IGSF21: variants seen among roughly 807,000 people sequenced by gnomAD.
IGSF21 encodes immunoglobin superfamily member 21, also known as immunoglobulin superfamily member 21.
A neutral mutation model predicts 46.8 loss-of-function variants in IGSF21; 28 were observed. That is an observed-to-expected ratio of 0.60 (90% confidence interval 0.44 to 0.82). The LOEUF is 0.82. Ranked by LOEUF, IGSF21 falls within the 40% of genes least tolerant of loss-of-function variation. The pLI is 0.00. For synonymous variants in IGSF21, 284 were observed against 273.6 expected, an observed-to-expected ratio of 1.04 and a Z score of -0.38; for missense variants, 624 against 665.5, an observed-to-expected ratio of 0.94 and a Z score of 0.69.
chr1:18,232,324 TAATA>T (rs1199322669), intron 2 of IGSF21, among the ~76,000 whole-genome samples: 1 of 151,120 alleles, frequency 6.6e-6, no homozygotes, highest in South Asian at 2.1e-4. Context: ...AGAAAATGAA[TAATA>T]AATAATGTTC....
At chr1:18,206,036 A>T (rs1557587073) in intron 1 of IGSF21, among the ~76,000 whole-genome samples, 1 of 152,250 alleles carries the variant, frequency 6.6e-6, no homozygotes, top group Non-Finnish European at 1.5e-5. Flanking sequence ...CCATCCCCTC[A>T]TGGGGCTGAC....
chr1:18,273,456 TTCTCTC>T (rs376410871), intron 2 of IGSF21, among the ~76,000 whole-genome samples: 12,560 of 86,044 alleles, frequency 0.15, 2,632 homozygotes, highest in African/African-American at 0.2. Flanking sequence ...CTTTCTTTCT[TTCTCTC>T]TCTTTCTTTC....
At chr1:18,156,114 G>T (rs1180181175) in intron 1 of IGSF21, among the ~76,000 whole-genome samples, 1 of 152,210 alleles carries the variant, frequency 6.6e-6, no homozygotes, top group Non-Finnish European at 1.5e-5. Context: ...TGCGGGGAGG[G>T]CCTGGGCTTC....
chr1:18,163,088 T>C lies in IGSF21; in HGVS notation c.70+54890T>C, dbSNP rs72655127. ...GTGATTCTTCTGAATGAAAGATGTTTCCATGGGGCTTGGGGGCACAGTGGC... is the reference window on the plus strand; with the variant it reads ...GTGATTCTTCTGAATGAAAGATGTTCCCATGGGGCTTGGGGGCACAGTGGC... On this transcript the variant is annotated intron_variant, in intron 1 of 9. Transcript: ENST00000251296. 3.6e-3 allele frequency among the ~76,000 whole-genome samples: 548 copies of C among 152,252 alleles called. 3 individuals are homozygous for C. Among genetic ancestry groups the C allele is most frequent in the Non-Finnish European group, 6.3e-3 (429 of 68,016 alleles).
chr1:18,160,177 G>T (rs1047540402), intron 1 of IGSF21, among the ~76,000 whole-genome samples: 1 of 152,200 alleles, frequency 6.6e-6, no homozygotes, highest in African/African-American at 2.4e-5. Context: ...ACTTCTCACC[G>T]AACTAGTTTA....
chr1:18,189,695 C>T (rs898802626), intron 1 of IGSF21, among the ~76,000 whole-genome samples: 1 of 151,998 alleles, frequency 6.6e-6, no homozygotes, highest in African/African-American at 2.4e-5. Context: ...AGGGTCCGTG[C>T]TCCTATGAGA....
In IGSF21 at chr1:18,199,715, G is replaced by A. The variant is rs532205449; in HGVS notation, c.71-28183G>A. Among the ~76,000 whole-genome samples the A allele has an allele frequency of 4.1e-4, 63 of 152,016 alleles. 1 individual carries two copies. Among genetic ancestry groups the A allele is most frequent in the Admixed American group, 2.6e-3 (40 of 15,262 alleles). On this transcript the variant is annotated intron_variant, in intron 1 of 9. Coordinates refer to ENST00000251296, the MANE Select transcript of IGSF21 (RefSeq NM_032880.5). Reference sequence around the variant, plus strand: ...TCCCTCCCTCCCTATCTCTCACCTCGGCTGCAAAGCTCCGACTTTATTTAA... The same window carrying A: ...TCCCTCCCTCCCTATCTCTCACCTCAGCTGCAAAGCTCCGACTTTATTTAA...
chr1:18,234,020 G>A (rs985582529), intron 2 of IGSF21, among the ~76,000 whole-genome samples: 1 of 152,098 alleles, frequency 6.6e-6, no homozygotes, highest in Non-Finnish European at 1.5e-5. Flanking sequence ...CATATCATAA[G>A]GGCAAGAAGG....
At chr1:18,354,719 T>G (rs1763902) in intron 4 of IGSF21, among the ~76,000 whole-genome samples, 134,206 of 152,100 alleles carry the variant, frequency 0.88, 59,227 homozygotes, top group Non-Finnish European at 0.9. Flanking sequence ...TGGTACCCAA[T>G]GAGCTGGAGA....
intron 1 of IGSF21, among the ~76,000 whole-genome samples, chr1:18,219,636 G>C (rs2084487144): frequency 6.6e-6 from 1 of 152,140 alleles, no homozygotes; most frequent in Non-Finnish European, 1.5e-5. Context: ...AAAAAGAGGA[G>C]GTTCCAAGAA....
intron 1 of IGSF21, among the ~76,000 whole-genome samples, chr1:18,147,862 C>T (rs1433453500): frequency 2.6e-5 from 4 of 152,048 alleles, no homozygotes; most frequent in Admixed American, 6.6e-5. Flanking sequence ...TCCCATGTGT[C>T]GTGGGAGGGA....
At chr1:18,370,303 A>G (rs2086211810) in intron 6 of IGSF21, among the ~76,000 whole-genome samples, 1 of 152,210 alleles carries the variant, frequency 6.6e-6, no homozygotes, top group South Asian at 2.1e-4. Flanking sequence ...AGATCTACAT[A>G]CACAGAGTTC....
At chr1:18,276,026 T>G (rs898086544) in intron 2 of IGSF21, among the ~76,000 whole-genome samples, 5 of 152,184 alleles carry the variant, frequency 3.3e-5, no homozygotes, top group African/African-American at 7.2e-5. Flanking sequence ...GGTCTTCTTA[T>G]TTATGATCTT....
At chr1:18,221,166 C>T (rs965050388) in intron 1 of IGSF21, among the ~76,000 whole-genome samples, 3 of 152,122 alleles carry the variant, frequency 2.0e-5, no homozygotes, top group African/African-American at 4.8e-5. Context: ...AGGGAGGCAT[C>T]GTTACCCCTA....
chr1:18,361,807 C>G (rs1196633160), intron 4 of IGSF21: 1 of 268,260 alleles, frequency 3.7e-6, no homozygotes, highest in Non-Finnish European at 7.1e-6. Context: ...CGGGCAGAGT[C>G]CCCTCAACAC....
intron 3 of IGSF21, among the ~76,000 whole-genome samples, chr1:18,321,109 C>T (rs1461402975): frequency 6.6e-6 from 1 of 152,192 alleles, no homozygotes; most frequent in Non-Finnish European, 1.5e-5. Context: ...AGTTTGGCGT[C>T]GGGGGCTCTG....
At chr1:18,194,117 G>C (rs2086984824) in intron 1 of IGSF21, among the ~76,000 whole-genome samples, 1 of 152,186 alleles carries the variant, frequency 6.6e-6, no homozygotes, top group Non-Finnish European at 1.5e-5. Flanking sequence ...GATGTGACTG[G>C]ATGTGAGAGA....
intron 1 of IGSF21, among the ~76,000 whole-genome samples, chr1:18,129,301 C>T (rs565807590): frequency 7.9e-5 from 12 of 151,990 alleles, no homozygotes; most frequent in East Asian, 3.9e-4. Context: ...GAAAAGGCAA[C>T]GGGCAGGGAA....
intron 1 of IGSF21, among the ~76,000 whole-genome samples, chr1:18,159,294 G>A (rs988217743): frequency 6.6e-6 from 1 of 152,186 alleles, no homozygotes; most frequent in African/African-American, 2.4e-5. Context: ...AGGCAATAGG[G>A]AGCCATGGAG....
Sources: gnomAD v4.1 joint callset for allele counts (sites outside exome capture counted in the v4.1 genomes callset) on GRCh38, gnomAD v4.1.1 for gene constraint, MANE v1.5 for transcripts, NCBI Gene and HGNC (gene_info 2026-07-23, HGNC 2026-07-21) for gene names.